The following UGT1A8 variants were observed in gnomAD, a reference collection of about 807,000 sequenced individuals.
UGT1A8 encodes UDP glucuronosyltransferase family 1 member A8.
In UGT1A8, 39 loss-of-function variants were observed where a neutral mutation model predicts 45.3. The observed-to-expected ratio is 0.86, with a 90% confidence interval of 0.67 to 1.12. UGT1A8 has a LOEUF of 1.12. UGT1A8 is among the 50% of genes most tolerant of loss of function. UGT1A8 has a pLI of 0.00. For missense variants in UGT1A8, 719 were observed against 664.9 expected (o/e 1.08, Z -0.90); for synonymous variants, 275 against 249.2 (o/e 1.10, Z -0.97).
At chr2:233,747,480 G>T in intron 1 of UGT1A8, 2 of 1,608,986 alleles carry the variant, frequency 1.2e-6, no homozygotes, top group Non-Finnish European at 1.7e-6. Context: ...GGATGAATTT[G>T]ATCGCCTTGT....
chr2:233,738,354 G>A lies in UGT1A8; in HGVS notation c.856-28680G>A, dbSNP rs1033187922. Among the ~76,000 whole-genome samples the A allele has an allele frequency of 9.2e-5, 14 of 152,188 alleles. 1 individual carries two copies. Among genetic ancestry groups the A allele is most frequent in the Admixed American group, 7.2e-4 (11 of 15,278 alleles). The stretch of plus-strand genomic sequence containing the variant: ...ACAGTAAATTGGTGTCATGGAGAGT[G>A]GGGTACTGCTATAAAACTACTTGAA... On this transcript the variant is annotated intron_variant, in intron 1 of 4. Coordinates refer to ENST00000373450, the MANE Select transcript of UGT1A8 (RefSeq NM_019076.5).
In UGT1A8 at chr2:233,736,924, C is replaced by T. The variant is rs544385943; in HGVS notation, c.856-30110C>T. The stretch of plus-strand genomic sequence containing the variant: ...TCCTCTGGAAGCTTCATACCAGAGG[C>T]GCACCCACCTATATGAGGTGTCTGT... On this transcript the variant is annotated intron_variant, in intron 1 of 4. Coordinates refer to ENST00000373450, the MANE Select transcript of UGT1A8 (RefSeq NM_019076.5). Among the ~76,000 whole-genome samples the T allele has an allele frequency of 2.3e-4, 35 of 152,234 alleles. No homozygotes were observed. The South Asian group carries it at 6.0e-3, about 26-fold the overall frequency.
At chr2:233,696,209 G>A (rs2075331761) in intron 1 of UGT1A8, among the ~76,000 whole-genome samples, 1 of 152,136 alleles carries the variant, frequency 6.6e-6, no homozygotes, top group Admixed American at 6.5e-5. Context: ...GTTTATTATA[G>A]CACTATTCAC....
At chr2:233,631,340 T>C (rs1197373816) in intron 1 of UGT1A8, among the ~76,000 whole-genome samples, 1 of 152,184 alleles carries the variant, frequency 6.6e-6, no homozygotes, top group Non-Finnish European at 1.5e-5. Flanking sequence ...TTATAATCCT[T>C]TGGGTATATA....
chr2:233,719,021 G>A (rs751307422), intron 1 of UGT1A8: 3 of 1,614,262 alleles, frequency 1.9e-6, no homozygotes, highest in Non-Finnish European at 2.5e-6. Context: ...AGGTGAATAT[G>A]CACATCAAAG....
At chr2:233,629,398 A>G (rs1309564353) in intron 1 of UGT1A8, among the ~76,000 whole-genome samples, 1 of 152,106 alleles carries the variant, frequency 6.6e-6, no homozygotes, top group Non-Finnish European at 1.5e-5. Context: ...GCTGCTATGA[A>G]CATGGTGGCA....
chr2:233,720,019 G>T (rs540203341), intron 1 of UGT1A8, among the ~76,000 whole-genome samples: 6 of 152,260 alleles, frequency 3.9e-5, no homozygotes, highest in African/African-American at 1.4e-4. Flanking sequence ...TCCATCCTGG[G>T]GTTTTTGCTT....
chr2:233,752,290 C>T (rs1244302370), intron 1 of UGT1A8: 16 of 152,170 alleles, frequency 1.1e-4, no homozygotes, highest in Admixed American at 1.0e-3. Flanking sequence ...CTCACAGGGT[C>T]ATGCCTTTCC....
At chr2:233,765,331 C>T (rs770638487) in intron 1 of UGT1A8, among the ~76,000 whole-genome samples, 13 of 152,154 alleles carry the variant, frequency 8.5e-5, no homozygotes, top group Admixed American at 2.6e-4. Context: ...GCACTATTCA[C>T]AATAACAAAG....
rs111385892 is a variant in UGT1A8, at chr2:233,757,128, A to T, written c.856-9906A>T. Among the ~76,000 whole-genome samples the T allele has an allele frequency of 1.2e-3, 185 of 151,286 alleles. 2 individuals carry two copies. The highest frequency in any genetic ancestry group is 4.0e-3 in the African/African-American group (165 of 41,200). On this transcript the variant is annotated intron_variant, in intron 1 of 4. Transcript: ENST00000373450. Reference sequence around the variant, plus strand: ...CAAGCAGAAGGGCTAGAGAGGAGGAATGAGCTTGGACAGGTGGGCTGGGGT... The same window carrying T: ...CAAGCAGAAGGGCTAGAGAGGAGGATTGAGCTTGGACAGGTGGGCTGGGGT...
At chr2:233,705,805 A>G (rs752228556) in intron 1 of UGT1A8, among the ~76,000 whole-genome samples, 1 of 152,190 alleles carries the variant, frequency 6.6e-6, no homozygotes, top group Admixed American at 6.5e-5. Flanking sequence ...TTCAAAAATT[A>G]TTAAGAATTT....
At chr2:233,709,236 C>T (rs1559356287) in intron 1 of UGT1A8, among the ~76,000 whole-genome samples, 1 of 152,028 alleles carries the variant, frequency 6.6e-6, no homozygotes, top group Non-Finnish European at 1.5e-5. Flanking sequence ...GAGGGGTGGC[C>T]GCTGGGATGA....
At chr2:233,728,213 C>A (rs2077690894) in intron 1 of UGT1A8, among the ~76,000 whole-genome samples, 1 of 152,180 alleles carries the variant, frequency 6.6e-6, no homozygotes, top group Non-Finnish European at 1.5e-5. Flanking sequence ...TGGAGAAGAG[C>A]CTGACCATAA....
At chr2:233,696,193 T>C (rs1686074902) in intron 1 of UGT1A8, among the ~76,000 whole-genome samples, 1 of 152,196 alleles carries the variant, frequency 6.6e-6, no homozygotes, top group Admixed American at 6.5e-5. Context: ...CTATCTGCAC[T>C]CCCATGTTTA....
intron 1 of UGT1A8, among the ~76,000 whole-genome samples, chr2:233,761,544 A>G (rs745620081): frequency 8.5e-5 from 13 of 152,226 alleles, no homozygotes; most frequent in Non-Finnish European, 1.6e-4. Context: ...TCATTCTTTG[A>G]TGATGATAGA....
In UGT1A8 at chr2:233,634,255, C is replaced by A. The variant is rs546567322; in HGVS notation, c.855+15693C>A. Among the ~76,000 whole-genome samples, 4 of 152,142 alleles carry A rather than the reference C, an allele frequency of 2.6e-5. No individual in the cohort carries two copies. The East Asian group carries it at 7.7e-4, about 29-fold the overall frequency. On this transcript the variant is annotated intron_variant, in intron 1 of 4. Coordinates refer to ENST00000373450, the MANE Select transcript of UGT1A8 (RefSeq NM_019076.5). ...TATGTGGTCAATTTTAGAATAAGTG[C>A]AATGTGGTGCTGAGAAGAATATATA...
At chr2:233,647,219 T>G (rs993677460) in intron 1 of UGT1A8, among the ~76,000 whole-genome samples, 2 of 152,198 alleles carry the variant, frequency 1.3e-5, no homozygotes, top group Admixed American at 1.3e-4. Flanking sequence ...CACGTGGAAA[T>G]TGTGGGAGTT....
intron 1 of UGT1A8, among the ~76,000 whole-genome samples, chr2:233,732,493 G>T (rs141356640): frequency 1.3e-5 from 2 of 152,178 alleles, no homozygotes; most frequent in Admixed American, 6.5e-5. Flanking sequence ...TGTATAAGGC[G>T]TAAGGAAGGG....
In UGT1A8 at chr2:233,722,182, C is replaced by T. The variant is rs530414552; in HGVS notation, c.856-44852C>T. On this transcript the variant is annotated intron_variant, in intron 1 of 4. Transcript: ENST00000373450. ...GTCACCTGGAGACCTTTGCCATGTT[C>T]GTGCCAATTTACTGAGTGCATGAAA... The T allele has an allele frequency of 1.0e-4, 16 of 156,916 alleles. No homozygotes were observed. The Middle Eastern group carries it at 8.9e-3, about 87-fold the overall frequency. 9.7% of individuals were successfully genotyped at this position (156,916 alleles called of 1,614,324 possible).
Sources: gnomAD v4.1 joint callset for allele counts (sites outside exome capture counted in the v4.1 genomes callset) on GRCh38, gnomAD v4.1.1 for gene constraint, MANE v1.5 for transcripts, NCBI Gene and HGNC (gene_info 2026-07-23, HGNC 2026-07-21) for gene names.